Variants in GAL observed in about 807,000 individuals in gnomAD.
GAL encodes galanin peptides.
A neutral mutation model predicts 15.8 loss-of-function variants in GAL; 14 were observed. The observed-to-expected ratio is 0.89, with a 90% CI of 0.59 to 1.39. GAL has a LOEUF of 1.39. Among genes scored for constraint, GAL ranks in the 40% most tolerant of loss-of-function variants. The pLI, the probability that GAL is intolerant of heterozygous loss-of-function variation, is 0.00. For synonymous variants in GAL, 79 were observed against 73.8 expected (o/e 1.07, Z -0.36); for missense variants, 176 against 170.4 (o/e 1.03, Z -0.18).
In GAL at chr11:68,684,759, C is replaced by A. The variant is rs537109864; in HGVS notation, c.-1+27C>A. The A allele has an allele frequency of 7.7e-4, 401 of 519,128 alleles. 5 individuals are homozygous for A. Among genetic ancestry groups the A allele is most frequent in the African/African-American group, 7.7e-3 (379 of 49,348 alleles). The allele number at this position is 519,128 out of a possible 1,614,324, so 32.2% of individuals were successfully genotyped here. On this transcript the variant is annotated intron_variant, in intron 1 of 5. Transcript: ENST00000265643. ...TACTACTGGCGCCGGGCCGACCCTGCGCCCCCGGGAGGCCTCCCCTTCGGC... is the reference window on the plus strand; with the variant it reads ...TACTACTGGCGCCGGGCCGACCCTGAGCCCCCGGGAGGCCTCCCCTTCGGC...
chr11:68,688,928 T>C lies in GAL; in HGVS notation c.301+2T>C. Reference sequence around the variant, plus strand: ...TTCTGTCTTTCTTGCATCTCAAAGGTATGTGAAATATCATCAACTTAACAT... The same window carrying C: ...TTCTGTCTTTCTTGCATCTCAAAGGCATGTGAAATATCATCAACTTAACAT... On this transcript the variant is annotated splice_donor_variant, in intron 5 of 5. Coordinates refer to ENST00000265643, the MANE Select transcript of GAL (RefSeq NM_015973.5). LOFTEE classifies it high-confidence loss of function. The C allele has an allele frequency of 1.4e-6, 2 of 1,407,630 alleles. No individual in the cohort carries two copies. The highest frequency in any genetic ancestry group is 2.0e-6 in the Non-Finnish European group (2 of 991,496). 87.2% of individuals were successfully genotyped at this position (1,407,630 alleles called of 1,614,324 possible).
chr11:68,688,225 C>T, intron 4 of GAL, 125 bp downstream of exon 4: 1 of 672,392 alleles, frequency 1.5e-6, no homozygotes. Flanking sequence ...CATGACTTGA[C>T]TAAGACGATG....
chr11:68,691,102 T>G lies in GAL; in HGVS notation c.*115T>G. On this transcript the variant is annotated 3_prime_UTR_variant, in exon 6 of 6. Coordinates refer to ENST00000265643, the MANE Select transcript of GAL (RefSeq NM_015973.5). ...GCCATTCCTGTTCTCTTTGCCTTGA[T>G]GTTGTGTTGTTATCATTTAAGATTT... 1.5e-6 allele frequency: 1 copy of G among 689,300 alleles called. No homozygotes were observed. Among genetic ancestry groups the G allele is most frequent in the South Asian group, 1.6e-5 (1 of 61,492 alleles). The allele number at this position is 689,300 out of a possible 1,614,324, so 42.7% of individuals were successfully genotyped here. A position where few individuals can be genotyped will look rare whatever the true frequency, so the allele number is the denominator to read the frequency against.
At chr11:68,686,745 T>C (rs1051017192) in intron 3 of GAL, among the ~76,000 whole-genome samples, 14 of 152,170 alleles carry the variant, frequency 9.2e-5, no homozygotes, top group African/African-American at 3.1e-4. Flanking sequence ...CTGACCTGCC[T>C]GAGGGTCGGC....
rs530498888 is a variant in GAL, at chr11:68,690,935, G to T, written c.320G>T (p.Arg107Leu). The change falls in exon 6 of 6, where the codon CGC becomes CTC. Residue 107 changes from arginine to leucine, a missense_variant. By Grantham distance (102) the Arg-to-Leu change is moderately radical. Coordinates refer to ENST00000265643, the MANE Select transcript of GAL (RefSeq NM_015973.5). ...LHLKEAGALD[R>L]LLDLPAAASS... ...TTTGCAGAGGCCGGTGCCCTCGACC[G>T]CCTCCTGGATCTCCCCGCCGCAGCC... 2.5e-6 allele frequency: 4 copies of T among 1,612,502 alleles called. No individual in the cohort carries two copies. The highest frequency in any genetic ancestry group is 1.3e-5 in the African/African-American group (1 of 74,876).
intron 3 of GAL, among the ~76,000 whole-genome samples, chr11:68,687,586 T>C (rs1263742791): frequency 1.3e-5 from 2 of 152,074 alleles, no homozygotes; most frequent in Admixed American, 6.5e-5. Flanking sequence ...AGTCACAACT[T>C]AAACTCTTCA....
chr11:68,687,178 T>C lies in GAL; in HGVS notation c.137-836T>C, dbSNP rs192655027. Among the ~76,000 whole-genome samples the C allele has an allele frequency of 4.8e-4, 73 of 152,114 alleles. 1 individual carries two copies. The highest frequency in any genetic ancestry group is 3.4e-3 in the Admixed American group (52 of 15,292). On this transcript the variant is annotated intron_variant, in intron 3 of 5. Coordinates refer to ENST00000265643, the MANE Select transcript of GAL (RefSeq NM_015973.5). ...GGCATCTCTGGAAATACGCGTTAAT[T>C]CTCCTTTGTCTGGCCTTGTAGATGG...
rs1482056926 is a variant in GAL, at chr11:68,684,706, C to A, written c.-27C>A. On this transcript the variant is annotated 5_prime_UTR_variant, in exon 1 of 6. Coordinates refer to ENST00000265643, the MANE Select transcript of GAL (RefSeq NM_015973.5). ...CCACCGCACCCGGACCCCGACGCTC[C>A]GAACCCGGGCGCAGCCGCAGCTCAA... is the stretch of plus-strand genomic sequence containing the variant. The A allele has an allele frequency of 7.1e-6, 3 of 421,994 alleles. No individual in the cohort carries two copies. The highest frequency in any genetic ancestry group is 1.3e-5 in the Non-Finnish European group (3 of 238,958). The allele number at this position is 421,994 out of a possible 1,614,324, so 26.1% of individuals were successfully genotyped here. A position where few individuals can be genotyped will look rare whatever the true frequency, so the allele number is the denominator to read the frequency against.
chr11:68,686,858 C>T (rs1321354328), intron 3 of GAL, among the ~76,000 whole-genome samples: 3 of 152,200 alleles, frequency 2.0e-5, no homozygotes, highest in African/African-American at 7.2e-5. Flanking sequence ...TCAATGAGAA[C>T]ATTTATCTGT....
In GAL at chr11:68,684,934, G is replaced by A. The variant is rs143156739; in HGVS notation, c.11G>A (p.Gly4Asp). 3.1e-6 allele frequency: 5 copies of A among 1,607,386 alleles called. No individual in the cohort carries two copies. The East Asian group carries it at 6.7e-5, about 22-fold the overall frequency. The change falls in exon 2 of 6, where the codon GGC (glycine) becomes GAC (aspartate). Residue 4 changes from glycine (G) to aspartate (D), a missense_variant. Transcript: ENST00000265643. MAR[G>D]SALLLASLLL... is the part of the protein sequence containing the mutation. ...GTCCTTCCCTTCCAGATGGCCCGAGGCAGCGCCCTCCTGCTCGCCTCCCTC... is the reference window on the plus strand; with the variant it reads ...GTCCTTCCCTTCCAGATGGCCCGAGACAGCGCCCTCCTGCTCGCCTCCCTC...
At chr11:68,687,943 C>A in intron 3 of GAL, 71 bp from the exon 4 acceptor site, 1 of 931,904 alleles carries the variant, frequency 1.1e-6, no homozygotes, top group Non-Finnish European at 1.8e-6. Flanking sequence ...AGCCCTGTGT[C>A]CTTCTTTGGG....
chr11:68,687,244 T>C (rs1945862237), intron 3 of GAL, among the ~76,000 whole-genome samples: 1 of 151,948 alleles, frequency 6.6e-6, no homozygotes, highest in Admixed American at 6.6e-5. Context: ...CACAGAGGCG[T>C]CCTCACCCTC....
intron 5 of GAL, among the ~76,000 whole-genome samples, chr11:68,689,606 A>T (rs1056226028): frequency 6.6e-6 from 1 of 152,194 alleles, no homozygotes; most frequent in African/African-American, 2.4e-5. Context: ...CATGTTGGCC[A>T]GGCTCATCTT....
rs529099070 is a variant in GAL, at chr11:68,690,259, T to G, written c.302-658T>G. 3.3e-5 allele frequency among the ~76,000 whole-genome samples: 5 copies of G among 152,272 alleles called. No individual in the cohort carries two copies. The East Asian group carries it at 9.7e-4, about 29-fold the overall frequency. On this transcript the variant is annotated intron_variant, in intron 5 of 5. Coordinates refer to ENST00000265643, the MANE Select transcript of GAL (RefSeq NM_015973.5). ...GGGAGCTGGTGGTGGGGAGGAGGGA[T>G]GGACCGTTAGCCTCTCCAGTGGAGA... is the stretch of plus-strand genomic sequence containing the variant.
chr11:68,687,875 G>A, intron 3 of GAL, 139 bp from the exon 4 acceptor site: 1 of 639,138 alleles, frequency 1.6e-6, no homozygotes, highest in Middle Eastern at 2.6e-4. Context: ...CTCTGCTCTG[G>A]TGTCTGTCCC....
intron 1 of GAL, 58 bp from the exon 2 acceptor site, chr11:68,684,865 TG>T (rs1945834404): frequency 9.3e-7 from 1 of 1,072,220 alleles, no homozygotes; most frequent in Non-Finnish European, 1.4e-6. Flanking sequence ...CGGCACTCCT[TG>T]CCTCGGGGCG....
At chr11:68,685,036 G>A (rs1203137226) in intron 2 of GAL, 32 bp downstream of exon 2, 4 of 1,453,456 alleles carry the variant, frequency 2.8e-6, no homozygotes, top group Middle Eastern at 1.8e-4. Context: ...TCCGAGCGAA[G>A]GGGACATCAG....
chr11:68,690,809 T>C (rs1422906470), intron 5 of GAL, 108 bp from the exon 6 acceptor site: 2 of 755,898 alleles, frequency 2.6e-6, no homozygotes, highest in African/African-American at 3.4e-5. Context: ...GGTAAGAATC[T>C]TTACAGAGGA....
rs753843211 is a variant in GAL, at chr11:68,684,966, G to A, written c.43G>A (p.Ala15Thr). Residue 15 changes from alanine (A) to threonine (T), a missense_variant, in exon 2 of 6, where the codon GCC becomes ACC. Physicochemically the swap from Ala to Thr is moderately conservative, Grantham distance 58. Coordinates refer to ENST00000265643, the MANE Select transcript of GAL (RefSeq NM_015973.5). ...CCTCCTGCTCGCCTCCCTCCTCCTC[G>A]CCGCGGCCCTTTCTGCCTCTGCGGG... ...SALLLASLLL[A>T]AALSASAGLW... The A allele has an allele frequency of 1.1e-5, 18 of 1,608,430 alleles. No individual in the cohort carries two copies. In the African/African-American group the frequency reaches 1.3e-4, roughly 12 times the overall value.
Sources: gnomAD v4.1 joint callset for allele counts (sites outside exome capture counted in the v4.1 genomes callset) on GRCh38, gnomAD v4.1.1 for gene constraint, MANE v1.5 for transcripts, NCBI Gene and HGNC (gene_info 2026-07-23, HGNC 2026-07-21) for gene names.